Variants in ENOX1 observed in about 807,000 individuals in gnomAD.
ENOX1 encodes candidate growth-related and time keeping constitutive hydroquinone (NADH) oxidase.
ENOX1 carries 42 observed loss-of-function variants against 82.5 expected under a neutral mutation model. The observed-to-expected ratio is 0.51, with a 90% CI of 0.40 to 0.66. ENOX1 has a LOEUF of 0.66. Among genes scored for constraint, ENOX1 ranks in the 30% least tolerant of loss-of-function variants. The pLI, the probability that ENOX1 is intolerant of heterozygous loss-of-function variation, is 0.00. For synonymous variants in ENOX1, 271 were observed against 282.2 expected (o/e 0.96, Z 0.40); for missense variants, 608 against 811.6 (o/e 0.75, Z 3.05).
At chr13:43,420,907 T>C (rs1415609365) in intron 3 of ENOX1, among the ~76,000 whole-genome samples, 2 of 152,154 alleles carry the variant, frequency 1.3e-5, no homozygotes, top group South Asian at 2.1e-4. Flanking sequence ...CTGTTAAATA[T>C]AGAGGATGGT....
intron 2 of ENOX1, among the ~76,000 whole-genome samples, chr13:43,562,563 C>T (rs751242105): frequency 2.0e-5 from 3 of 152,094 alleles, no homozygotes; most frequent in Non-Finnish European, 4.4e-5. Context: ...CTAACCTCTA[C>T]AACCAAAAGG....
At chr13:43,249,425 A>C (rs1017710884) in intron 14 of ENOX1, among the ~76,000 whole-genome samples, 1 of 152,216 alleles carries the variant, frequency 6.6e-6, no homozygotes, top group African/African-American at 2.4e-5. Flanking sequence ...TAGAGCAGCA[A>C]ACAGAAGACA....
intron 1 of ENOX1, among the ~76,000 whole-genome samples, chr13:43,671,135 C>T (rs773137758): frequency 6.6e-6 from 1 of 151,902 alleles, no homozygotes; most frequent in Non-Finnish European, 1.5e-5. Flanking sequence ...CTCTTGCATG[C>T]TCTCTCTCTC....
At chr13:43,712,272 T>C (rs1188753952) in intron 1 of ENOX1, among the ~76,000 whole-genome samples, 6 of 149,256 alleles carry the variant, frequency 4.0e-5, no homozygotes, top group South Asian at 4.4e-4. Flanking sequence ...TTCTGTTCCA[T>C]TGATCTATAT....
intron 12 of ENOX1, among the ~76,000 whole-genome samples, chr13:43,274,683 T>C (rs2044898182): frequency 6.6e-6 from 1 of 152,206 alleles, no homozygotes; most frequent in Admixed American, 6.5e-5. Context: ...AGATGCACTA[T>C]TACATTCTTT....
chr13:43,396,302 T>A (rs1251151210), intron 5 of ENOX1, among the ~76,000 whole-genome samples: 1 of 152,228 alleles, frequency 6.6e-6, no homozygotes, highest in African/African-American at 2.4e-5. Context: ...TATGTGTGAC[T>A]GACTCGGTAG....
At chr13:43,305,496 T>C (rs564504517) in intron 11 of ENOX1, among the ~76,000 whole-genome samples, 69 of 152,174 alleles carry the variant, frequency 4.5e-4, no homozygotes, top group African/African-American at 1.6e-3. Context: ...CAGGGTAAGC[T>C]AGATCCTGTT....
intron 2 of ENOX1, among the ~76,000 whole-genome samples, chr13:43,488,794 T>A (rs958697813): frequency 1.3e-5 from 2 of 152,172 alleles, no homozygotes; most frequent in African/African-American, 4.8e-5. Context: ...AGATCTCAGA[T>A]GGACATAAGG....
At chr13:43,247,019 G>A (rs935240132) in intron 14 of ENOX1, among the ~76,000 whole-genome samples, 3 of 152,156 alleles carry the variant, frequency 2.0e-5, no homozygotes, top group African/African-American at 7.2e-5. Context: ...AGATCACGAA[G>A]AATTAGAAGT....
At chr13:43,609,473 A>T (rs1204513498) in intron 2 of ENOX1, among the ~76,000 whole-genome samples, 1 of 152,182 alleles carries the variant, frequency 6.6e-6, no homozygotes, top group Non-Finnish European at 1.5e-5. Flanking sequence ...TGTGACTGTG[A>T]ATATACAGTT....
Position 43,359,863 on chromosome 13 carries a change from T to C in ENOX1, c.577A>G (p.Ile193Val). ...TAATGCAAAGTACCAGAAAGGTAAA[T>C]GGCTTTATCAACCATGAATTCCTCT... ...FAEEFMVDKA[I>V]YLSGYRMRLG... is the part of the protein sequence containing the mutation. Residue 193 changes from isoleucine to valine, a missense_variant, in exon 7 of 17, where the codon ATT becomes GTT. Ile to Val is a conservative substitution (Grantham distance 29, BLOSUM62 3). Coordinates refer to ENST00000690772, the MANE Select transcript of ENOX1 (RefSeq NM_001347969.2). 6.2e-7 allele frequency: 1 copy of C among 1,614,146 alleles called. No individual in the cohort carries two copies.
intron 5 of ENOX1, among the ~76,000 whole-genome samples, chr13:43,390,425 A>C (rs2052703207): frequency 6.6e-6 from 1 of 152,106 alleles, no homozygotes. Context: ...AAGTTTATAA[A>C]ATTTTTGGCA....
Position 43,412,948 on chromosome 13 carries a change from T to C in ENOX1, c.-34A>G. 6.2e-7 allele frequency: 1 copy of C among 1,613,118 alleles called. No homozygotes were observed. The highest frequency in any genetic ancestry group is 8.5e-7 in the Non-Finnish European group (1 of 1,179,800). On this transcript the variant is annotated 5_prime_UTR_variant, in exon 4 of 17. Coordinates refer to ENST00000690772, the MANE Select transcript of ENOX1 (RefSeq NM_001347969.2). The stretch of plus-strand genomic sequence containing the variant: ...GAGTGTCCAGAGGGGCAGGAACACT[T>C]TGATGGCTGAGTGCAGGGTCCCCTC...
At chr13:43,769,988 CTCTAATA>C (rs1372294863) in intron 1 of ENOX1, among the ~76,000 whole-genome samples, 2 of 152,178 alleles carry the variant, frequency 1.3e-5, no homozygotes, top group Non-Finnish European at 2.9e-5. Flanking sequence ...CCAGCAATTT[CTCTAATA>C]AGAATTTACC....
At chr13:43,593,947 G>C (rs181662320) in intron 2 of ENOX1, among the ~76,000 whole-genome samples, 7 of 152,226 alleles carry the variant, frequency 4.6e-5, no homozygotes, top group African/African-American at 1.7e-4. Context: ...TCTAGGTCTG[G>C]AGGTATCTCT....
At chr13:43,724,037 C>T (rs940106510) in intron 1 of ENOX1, among the ~76,000 whole-genome samples, 3 of 152,160 alleles carry the variant, frequency 2.0e-5, no homozygotes, top group Non-Finnish European at 4.4e-5. Context: ...CTATCTGCCT[C>T]AAACACAGTA....
intron 12 of ENOX1, among the ~76,000 whole-genome samples, chr13:43,284,518 T>A (rs1032718159): frequency 6.6e-6 from 1 of 152,110 alleles, no homozygotes; most frequent in Non-Finnish European, 1.5e-5. Context: ...TAAATTAAGA[T>A]GGTAATGGTG....
chr13:43,282,863 C>A (rs1000874406), intron 12 of ENOX1, among the ~76,000 whole-genome samples: 1 of 149,980 alleles, frequency 6.7e-6, no homozygotes, highest in Non-Finnish European at 1.5e-5. Flanking sequence ...GAGGCTGAGG[C>A]GGGTAGATCA....
At chr13:43,376,627 A>C (rs1379197089) in intron 5 of ENOX1, among the ~76,000 whole-genome samples, 1 of 152,250 alleles carries the variant, frequency 6.6e-6, no homozygotes, top group Non-Finnish European at 1.5e-5. Context: ...ACCCAGAGTT[A>C]TATGACTGAC....
Sources: allele counts gnomAD v4.1 joint callset (sites outside exome capture counted in the v4.1 genomes callset), GRCh38; gene constraint gnomAD v4.1.1; transcripts MANE v1.5; gene names NCBI Gene and HGNC (gene_info 2026-07-23, HGNC 2026-07-21).